Variants in LOC128462377 observed in about 807,000 individuals in gnomAD.
At chr16:89,379,111 A>C in the LOC128462377 span, among the ~76,000 whole-genome samples, 1 of 152,216 alleles carries the variant, frequency 6.6e-6, no homozygotes, top group Non-Finnish European at 1.5e-5. Flanking sequence ...AGCCCCAGGA[A>C]GGCCTTTCTC....
At chr16:89,406,110 A>AG in the LOC128462377 span, among the ~76,000 whole-genome samples, 68 of 127,442 alleles carry the variant, frequency 5.3e-4, no homozygotes, top group African/African-American at 2.2e-3. Context: ...ATTCCATCTC[A>AG]AAAAAAAAAA....
At chr16:89,368,752 A>G in the LOC128462377 span, among the ~76,000 whole-genome samples, 1 of 152,056 alleles carries the variant, frequency 6.6e-6, no homozygotes, top group Non-Finnish European at 1.5e-5. Context: ...AAAAAAATAC[A>G]AAAATTAGTC....
At chr16:89,328,458 G>A in the LOC128462377 span, among the ~76,000 whole-genome samples, 1 of 152,228 alleles carries the variant, frequency 6.6e-6, no homozygotes, top group African/African-American at 2.4e-5. Flanking sequence ...TGTCCCAGCG[G>A]TGTCCTCGAA....
At chr16:89,345,315 C>T in the LOC128462377 span, among the ~76,000 whole-genome samples, 2 of 143,182 alleles carry the variant, frequency 1.4e-5, no homozygotes, top group African/African-American at 5.2e-5. Context: ...GGAAAGCACT[C>T]GACCCCACAG....
chr16:89,335,040 T>A, the LOC128462377 span, among the ~76,000 whole-genome samples: 1 of 152,074 alleles, frequency 6.6e-6, no homozygotes, highest in African/African-American at 2.4e-5. Context: ...TGTGTGCCAT[T>A]TCCTCCACGG....
chr16:89,415,013 T>C, the LOC128462377 span, among the ~76,000 whole-genome samples: 4 of 150,888 alleles, frequency 2.7e-5, no homozygotes, highest in African/African-American at 7.3e-5. Context: ...GGTGTGATCA[T>C]AGCTCACTGC....
the LOC128462377 span, among the ~76,000 whole-genome samples, chr16:89,415,972 C>T: frequency 6.6e-6 from 1 of 152,062 alleles, no homozygotes; most frequent in Non-Finnish European, 1.5e-5. Context: ...AGCAACACTG[C>T]AGTCTCCCTG....
the LOC128462377 span, among the ~76,000 whole-genome samples, chr16:89,362,468 G>C: frequency 3.3e-5 from 5 of 152,210 alleles, no homozygotes; most frequent in African/African-American, 1.2e-4. Context: ...GAAGCCGGAA[G>C]GGACAAGACT....
the LOC128462377 span, among the ~76,000 whole-genome samples, chr16:89,332,476 C>T: frequency 6.6e-6 from 1 of 152,228 alleles, no homozygotes; most frequent in Non-Finnish European, 1.5e-5. Context: ...GGAGAAATGA[C>T]ACCTGCAGGC....
the LOC128462377 span, among the ~76,000 whole-genome samples, chr16:89,359,722 G>C: frequency 2.0e-5 from 3 of 152,240 alleles, no homozygotes; most frequent in African/African-American, 4.8e-5. Flanking sequence ...CATTTTCAAC[G>C]GTCTTCATAT....
chr16:89,407,638 C>T, the LOC128462377 span, among the ~76,000 whole-genome samples: 13 of 152,156 alleles, frequency 8.5e-5, no homozygotes, highest in Admixed American at 4.6e-4. Flanking sequence ...CTGAGTAACA[C>T]GGCGAGACGC....
At chr16:89,354,037 GCACCCAGCC>G in the LOC128462377 span, among the ~76,000 whole-genome samples, 1 of 152,236 alleles carries the variant, frequency 6.6e-6, no homozygotes, top group African/African-American at 2.4e-5. Flanking sequence ...GGGAGCCAGA[GCACCCAGCC>G]CTGCAGGGCT....
the LOC128462377 span, among the ~76,000 whole-genome samples, chr16:89,322,937 G>A: frequency 6.6e-6 from 1 of 152,230 alleles, no homozygotes; most frequent in Non-Finnish European, 1.5e-5. Context: ...TCCGCCTCCT[G>A]GGCTCAAGCT....
the LOC128462377 span, among the ~76,000 whole-genome samples, chr16:89,380,349 T>C: frequency 1.3e-5 from 2 of 152,160 alleles, no homozygotes; most frequent in Non-Finnish European, 2.9e-5. Context: ...TGACCTCAGG[T>C]GATCCACCCA....
At chr16:89,373,397 AC>A in the LOC128462377 span, 1 of 152,452 alleles carries the variant, frequency 6.6e-6, no homozygotes, top group Admixed American at 6.5e-5. Context: ...CACGCCTTCC[AC>A]CGGGGGCAAC....
At chr16:89,381,278 G>A in the LOC128462377 span, among the ~76,000 whole-genome samples, 1 of 150,284 alleles carries the variant, frequency 6.7e-6, no homozygotes, top group African/African-American at 2.5e-5. Context: ...GTTGCAGTGA[G>A]GCGACAATGC....
chr16:89,331,255 G>A, the LOC128462377 span, among the ~76,000 whole-genome samples: 2 of 152,300 alleles, frequency 1.3e-5, no homozygotes, highest in Admixed American at 1.3e-4. Flanking sequence ...CGCCCGGCCT[G>A]ATGAAATACA....
the LOC128462377 span, among the ~76,000 whole-genome samples, chr16:89,413,974 G>A: frequency 2.0e-5 from 3 of 152,090 alleles, no homozygotes; most frequent in Non-Finnish European, 4.4e-5. Flanking sequence ...AACAGCAAGC[G>A]GAGGGGGCTC....
At chr16:89,365,685 G>A in the LOC128462377 span, among the ~76,000 whole-genome samples, 1 of 152,316 alleles carries the variant, frequency 6.6e-6, no homozygotes, top group East Asian at 1.9e-4. Flanking sequence ...CAGTGTCTGT[G>A]GAAGGTGGTC....
Sources: gnomAD v4.1 joint callset for allele counts (sites outside exome capture counted in the v4.1 genomes callset) on GRCh38, gnomAD v4.1.1 for gene constraint, MANE v1.5 for transcripts.